ENOX1: variants seen among roughly 807,000 people sequenced by gnomAD.
The protein encoded by ENOX1 is ecto-NOX disulfide-thiol exchanger 1.
Under a neutral mutation model 82.5 loss-of-function variants are expected in ENOX1, and 42 were observed. The ratio of observed to expected loss-of-function variants is 0.51; its 90% confidence interval spans 0.40 to 0.66. The LOEUF is 0.66. Among genes scored for constraint, ENOX1 ranks in the 30% least tolerant of loss-of-function variants. The pLI, the probability that ENOX1 is intolerant of heterozygous loss-of-function variation, is 0.00. For missense variants in ENOX1, 608 were observed against 811.6 expected (o/e 0.75, Z 3.05); for synonymous variants, 271 against 282.2 (o/e 0.96, Z 0.40).
intron 11 of ENOX1, among the ~76,000 whole-genome samples, chr13:43,309,537 C>T (rs760219181): frequency 8.5e-5 from 13 of 152,164 alleles, no homozygotes; most frequent in Admixed American, 6.5e-4. Flanking sequence ...GACTTATTTT[C>T]GGAATTCTCA....
intron 2 of ENOX1, among the ~76,000 whole-genome samples, chr13:43,516,196 G>T (rs141943444): frequency 6.6e-6 from 1 of 152,094 alleles, no homozygotes. Context: ...GAATCCCTGT[G>T]TTCATTGACA....
At chr13:43,240,215 T>C (rs1434915105) in intron 14 of ENOX1, among the ~76,000 whole-genome samples, 1 of 152,232 alleles carries the variant, frequency 6.6e-6, no homozygotes, top group African/African-American at 2.4e-5. Flanking sequence ...CTGCTACATA[T>C]ATACATCACA....
intron 1 of ENOX1, among the ~76,000 whole-genome samples, chr13:43,779,665 A>G (rs1175037973): frequency 6.6e-6 from 1 of 152,192 alleles, no homozygotes; most frequent in Non-Finnish European, 1.5e-5. Context: ...TCCTATGAAC[A>G]GACAGATTTG....
intron 5 of ENOX1, chr13:43,394,900 C>T (rs2153584578): frequency 6.6e-6 from 1 of 151,604 alleles, no homozygotes; most frequent in South Asian, 2.1e-4. Context: ...TGGACCAGAT[C>T]AGTGTTAGCA....
At chr13:43,749,700 AAAC>A (rs1950213357) in intron 1 of ENOX1, among the ~76,000 whole-genome samples, 1 of 152,196 alleles carries the variant, frequency 6.6e-6, no homozygotes, top group South Asian at 2.1e-4. Context: ...AGTAACAGTA[AAAC>A]AACAATAATG....
At chr13:43,752,563 T>C (rs543236137) in intron 1 of ENOX1, among the ~76,000 whole-genome samples, 1 of 152,342 alleles carries the variant, frequency 6.6e-6, no homozygotes, top group African/African-American at 2.4e-5. Context: ...TATTATAAAA[T>C]ATGGTTTGAT....
intron 1 of ENOX1, among the ~76,000 whole-genome samples, chr13:43,771,218 C>G (rs771515438): frequency 2.0e-5 from 3 of 152,174 alleles, no homozygotes; most frequent in Non-Finnish European, 2.9e-5. Context: ...AGCAATGACA[C>G]AGCTGCCTCC....
At chr13:43,562,219 G>C (rs570487977) in intron 2 of ENOX1, among the ~76,000 whole-genome samples, 1 of 152,120 alleles carries the variant, frequency 6.6e-6, no homozygotes, top group Non-Finnish European at 1.5e-5. Flanking sequence ...ACAATAAAAA[G>C]TTAAAAAGTT....
intron 2 of ENOX1, among the ~76,000 whole-genome samples, chr13:43,660,929 G>A (rs1440152636): frequency 1.3e-5 from 2 of 152,118 alleles, no homozygotes; most frequent in Non-Finnish European, 2.9e-5. Flanking sequence ...CAACACAGCT[G>A]TTTTAAGGTC....
Position 43,466,618 on chromosome 13 carries a change from AG to A in ENOX1, c.-75+17390del, listed in dbSNP as rs199857999. 9.7e-3 allele frequency among the ~76,000 whole-genome samples: 1,476 copies of A among 152,320 alleles called. 19 individuals are homozygous for A. Among genetic ancestry groups the A allele is most frequent in the African/African-American group, 0.034 (1,402 of 41,572 alleles). On this transcript the variant is annotated intron_variant, in intron 3 of 16. Transcript: ENST00000690772. ...GTAAGTAGATTTACAAAAATTATAG[AG>A]TACAACTTTATTTTTTTATTGGAGA...
At chr13:43,396,632 C>T (rs1215177296) in intron 5 of ENOX1, among the ~76,000 whole-genome samples, 1 of 152,126 alleles carries the variant, frequency 6.6e-6, no homozygotes, top group Admixed American at 6.5e-5. Context: ...CTGCCCACCT[C>T]AGCCTCCCAA....
intron 2 of ENOX1, among the ~76,000 whole-genome samples, chr13:43,498,671 C>T (rs959845519): frequency 2.1e-4 from 32 of 151,786 alleles, no homozygotes; most frequent in African/African-American, 7.0e-4. Context: ...ATTAGAACAT[C>T]TAGTTAGAAC....
chr13:43,675,377 A>G (rs1489591005), intron 1 of ENOX1, among the ~76,000 whole-genome samples: 1 of 152,160 alleles, frequency 6.6e-6, no homozygotes, highest in African/African-American at 2.4e-5. Context: ...AGACCACACA[A>G]AGTGCCATGT....
At chr13:43,456,141 G>C (rs1421852918) in intron 3 of ENOX1, among the ~76,000 whole-genome samples, 9 of 151,950 alleles carry the variant, frequency 5.9e-5, no homozygotes, top group African/African-American at 1.9e-4. Flanking sequence ...AGATATAACA[G>C]TATCTCTCAT....
intron 2 of ENOX1, among the ~76,000 whole-genome samples, chr13:43,532,835 T>C (rs936224593): frequency 1.3e-5 from 2 of 151,532 alleles, no homozygotes; most frequent in African/African-American, 4.8e-5. Flanking sequence ...AAGAGTATCT[T>C]ATGTTAAACA....
chr13:43,457,098 T>C (rs1282400194), intron 3 of ENOX1, among the ~76,000 whole-genome samples: 1 of 152,234 alleles, frequency 6.6e-6, no homozygotes, highest in Non-Finnish European at 1.5e-5. Context: ...TTTTTTATTC[T>C]TTACTAATTT....
chr13:43,231,672 CCTTTCTT>C, intron 15 of ENOX1, among the ~76,000 whole-genome samples: 1 of 152,326 alleles, frequency 6.6e-6, no homozygotes, highest in East Asian at 1.9e-4. Context: ...GCTCAGCTGT[CCTTTCTT>C]CTGACAAGGC....
At chr13:43,330,769 CA>C (rs1406516777) in intron 9 of ENOX1, among the ~76,000 whole-genome samples, 1 of 152,192 alleles carries the variant, frequency 6.6e-6, no homozygotes, top group Non-Finnish European at 1.5e-5. Flanking sequence ...AATCACTCCA[CA>C]GAGCTGCAAA....
intron 2 of ENOX1, among the ~76,000 whole-genome samples, chr13:43,611,913 G>C (rs1174099572): frequency 6.6e-6 from 1 of 152,180 alleles, no homozygotes; most frequent in African/African-American, 2.4e-5. Context: ...TATGAACACA[G>C]ATTCCCTAAA....
Sources: allele counts gnomAD v4.1 joint callset (sites outside exome capture counted in the v4.1 genomes callset), GRCh38; gene constraint gnomAD v4.1.1; transcripts MANE v1.5; gene names NCBI Gene and HGNC (gene_info 2026-07-23, HGNC 2026-07-21).